MYO3A: variants seen among roughly 807,000 people sequenced by gnomAD.
The protein encoded by MYO3A is myosin-IIIa.
MYO3A carries 180 observed loss-of-function variants against 192.7 expected under a neutral mutation model. The observed-to-expected ratio is 0.93, with a 90% confidence interval of 0.83 to 1.06. MYO3A has a LOEUF of 1.06. MYO3A is among the 50% of genes least tolerant of loss of function. The probability of loss-of-function intolerance (pLI) is 0.00; values close to 1 mark genes in which losing one functional copy is unlikely to be tolerated. For synonymous variants in MYO3A, 628 were observed against 645.3 expected (o/e 0.97, Z 0.41); for missense variants, 1,896 against 1,905.0 (o/e 1.00, Z 0.09).
Position 26,108,106 on chromosome 10 carries a change from C to T in MYO3A, c.1776+11424C>T, listed in dbSNP as rs7080297. ...AACAAAGTATCGTGTTTAATAGGGACGCCTAAGGCTTTTAGAGAAGCTTTC... is the reference window on the plus strand; with the variant it reads ...AACAAAGTATCGTGTTTAATAGGGATGCCTAAGGCTTTTAGAGAAGCTTTC... On this transcript the variant is annotated intron_variant, in intron 17 of 34. Transcript: ENST00000642920. Among the ~76,000 whole-genome samples the T allele has an allele frequency of 4.2e-3, 634 of 152,166 alleles. 3 individuals carry two copies. Among genetic ancestry groups the T allele is most frequent in the African/African-American group, 0.014 (600 of 41,502 alleles).
At chr10:26,032,640 A>G (rs191006873) in intron 10 of MYO3A, among the ~76,000 whole-genome samples, 2 of 151,874 alleles carry the variant, frequency 1.3e-5, no homozygotes, top group Non-Finnish European at 2.9e-5. Context: ...CAAAAAAAAA[A>G]CCAACAAAAA....
chr10:25,973,144 C>T (rs1838762275), intron 4 of MYO3A, among the ~76,000 whole-genome samples: 1 of 152,064 alleles, frequency 6.6e-6, no homozygotes, highest in African/African-American at 2.4e-5. Flanking sequence ...TGTTTAGGTC[C>T]TCTCTTATTT....
In MYO3A at chr10:25,967,151, C is replaced by T. The variant is rs545729028; in HGVS notation, c.303+12143C>T. Among the ~76,000 whole-genome samples the T allele has an allele frequency of 1.2e-4, 18 of 152,298 alleles. No homozygotes were observed. The South Asian group carries it at 3.5e-3, about 30-fold the overall frequency. ...CTCTGAAAATCTACATAAAGATTAT[C>T]TACACAATCTAAATAAGTACATAAA... On this transcript the variant is annotated intron_variant, in intron 4 of 34. Coordinates refer to ENST00000642920, the MANE Select transcript of MYO3A (RefSeq NM_017433.5).
intron 29 of MYO3A, among the ~76,000 whole-genome samples, chr10:26,171,688 C>G (rs2132024336): frequency 6.6e-6 from 1 of 152,246 alleles, no homozygotes; most frequent in Admixed American, 6.5e-5. Context: ...TAAAACAGTC[C>G]AGCAAACTTC....
chr10:25,988,257 C>T (rs1296756216), intron 4 of MYO3A, among the ~76,000 whole-genome samples: 1 of 152,046 alleles, frequency 6.6e-6, no homozygotes, highest in African/African-American at 2.4e-5. Flanking sequence ...ACACTGGGCA[C>T]AGTGTACACA....
chr10:26,018,317 T>C (rs11014912), intron 7 of MYO3A, among the ~76,000 whole-genome samples: 25,026 of 152,014 alleles, frequency 0.16, 2,484 homozygotes, highest in African/African-American at 0.26. Flanking sequence ...TATTCATCTC[T>C]CTGTAATAAG....
intron 23 of MYO3A, among the ~76,000 whole-genome samples, chr10:26,151,396 G>A (rs1840780395): frequency 6.6e-6 from 1 of 151,920 alleles, no homozygotes; most frequent in South Asian, 2.1e-4. Context: ...TTGATGGATA[G>A]ACTCCTTTGT....
At chr10:26,023,956 C>T (rs915622764) in intron 8 of MYO3A, 66 bp from the exon 9 acceptor site, 58 of 1,401,164 alleles carry the variant, frequency 4.1e-5, no homozygotes, top group Non-Finnish European at 8.1e-6. Flanking sequence ...GTCTATCTGG[C>T]TCTGCCTCTC....
At position 26,140,634 on chromosome 10, in the gene MYO3A, G is replaced by A. The variant is rs181183130; in HGVS notation, c.2263-2814G>A. 3.9e-4 allele frequency among the ~76,000 whole-genome samples: 59 copies of A among 150,472 alleles called. 1 individual carries two copies. The highest frequency in any genetic ancestry group is 2.0e-4 in the East Asian group (1 of 5,040). On this transcript the variant is annotated intron_variant, in intron 20 of 34. Coordinates refer to ENST00000642920, the MANE Select transcript of MYO3A (RefSeq NM_017433.5). ...CGGGAAGTGGAAGTTGCAGTGAGCCGAGATGACACCACTGTACTCCAGCCT... is the reference window on the plus strand; with the variant it reads ...CGGGAAGTGGAAGTTGCAGTGAGCCAAGATGACACCACTGTACTCCAGCCT...
intron 32 of MYO3A, among the ~76,000 whole-genome samples, chr10:26,198,498 A>T (rs896726278): frequency 2.6e-5 from 4 of 152,248 alleles, no homozygotes; most frequent in African/African-American, 9.7e-5. Context: ...CCTGAACTAC[A>T]GCAGTAGCTA....
At chr10:26,172,720 G>A (rs1842109728) in intron 29 of MYO3A, among the ~76,000 whole-genome samples, 1 of 152,122 alleles carries the variant, frequency 6.6e-6, no homozygotes, top group South Asian at 2.1e-4. Flanking sequence ...CTAGTTTTTT[G>A]ACTGATCCTA....
chr10:25,997,286 T>G, intron 6 of MYO3A, 28 bp downstream of exon 6: 1 of 1,467,110 alleles, frequency 6.8e-7, no homozygotes, highest in Non-Finnish European at 9.6e-7. Context: ...TGCATGAGTT[T>G]TAACTCCATA....
chr10:26,080,598 G>GA (rs1835862989), intron 14 of MYO3A, among the ~76,000 whole-genome samples: 1 of 133,926 alleles, frequency 7.5e-6, no homozygotes, highest in African/African-American at 2.7e-5. Flanking sequence ...TTTGGGGGGA[G>GA]GCGGGGCGGG....
At chr10:25,936,239 T>A (rs1836054688) in intron 2 of MYO3A, among the ~76,000 whole-genome samples, 1 of 152,112 alleles carries the variant, frequency 6.6e-6, no homozygotes, top group South Asian at 2.1e-4. Context: ...GCCTAATTTT[T>A]TTTTTGCATA....
In MYO3A at chr10:26,211,940, C is replaced by T. The variant is rs1844237785; in HGVS notation, c.4828C>T (p.Arg1610Trp). 7.4e-6 allele frequency: 12 copies of T among 1,613,826 alleles called. No homozygotes were observed. Among genetic ancestry groups the T allele is most frequent in the Non-Finnish European group, 1.0e-5 (12 of 1,179,970 alleles). Reference protein sequence around the residue: ...RRLLRKTSQRRRLVQQS With the variant: ...RRLLRKTSQRWRLVQQS ...GCTCCTGCGCAAAACCTCCCAGCGCCGGCGCCTCGTCCAGCAGTCCTAACC... is the reference window on the plus strand; with the variant it reads ...GCTCCTGCGCAAAACCTCCCAGCGCTGGCGCCTCGTCCAGCAGTCCTAACC... The change falls in exon 35 of 35, where the codon CGG becomes TGG. Residue 1610 changes from arginine (R) to tryptophan (W), a missense_variant. By Grantham distance (101) the Arg-to-Trp change is moderately radical. Coordinates refer to ENST00000642920, the MANE Select transcript of MYO3A (RefSeq NM_017433.5).
intron 17 of MYO3A, among the ~76,000 whole-genome samples, chr10:26,116,189 G>T (rs1838492250): frequency 6.6e-6 from 1 of 152,200 alleles, no homozygotes; most frequent in African/African-American, 2.4e-5. Context: ...AGCACAGGAG[G>T]CTCAAAGTCT....
chr10:26,009,990 C>T (rs193244447), intron 6 of MYO3A, among the ~76,000 whole-genome samples: 3 of 152,242 alleles, frequency 2.0e-5, no homozygotes, highest in East Asian at 3.9e-4. Flanking sequence ...CTCTCTACAG[C>T]TAAGGTCCAG....
Position 26,157,330 on chromosome 10 carries a change from G to T in MYO3A, c.2814G>T (p.Leu938Phe), listed in dbSNP as rs779268509. The part of the protein sequence containing the change: ...SYFRYSLMDL[L>F]SKMVVGQPHF... The stretch of plus-strand genomic sequence containing the variant: ...TATAGTATTCCCTGATGGATTTGTT[G>T]TCTAAAATGGTGGTGGGCCAACCTC... The change falls in exon 26 of 35, where the codon TTG (leucine) becomes TTT (phenylalanine). Residue 938 changes from leucine (L) to phenylalanine (F), a missense_variant. By Grantham distance (22) the Leu-to-Phe change is conservative. Transcript: ENST00000642920. The T allele has an allele frequency of 1.2e-6, 2 of 1,613,918 alleles. No individual in the cohort carries two copies. The highest frequency in any genetic ancestry group is 1.7e-6 in the Non-Finnish European group (2 of 1,179,970).
At chr10:26,188,657 T>G (rs1842975804) in intron 31 of MYO3A, among the ~76,000 whole-genome samples, 1 of 152,226 alleles carries the variant, frequency 6.6e-6, no homozygotes, top group South Asian at 2.1e-4. Context: ...TTGAATTAAT[T>G]TTAGTATAAG....
Sources: allele counts gnomAD v4.1 joint callset (sites outside exome capture counted in the v4.1 genomes callset), GRCh38; gene constraint gnomAD v4.1.1; transcripts MANE v1.5; gene names NCBI Gene and HGNC (gene_info 2026-07-23, HGNC 2026-07-21).